CNTN2: variants seen among roughly 807,000 people sequenced by gnomAD.
CNTN2 encodes the protein contactin 2, also known as contactin-2.
A neutral mutation model predicts 117.5 loss-of-function variants in CNTN2; 53 were observed. That is an observed-to-expected ratio of 0.45 (90% CI 0.36 to 0.57). The LOEUF (loss-of-function observed/expected upper bound fraction) is 0.57. CNTN2 is among the 20% of genes least tolerant of loss of function. The pLI, the probability that CNTN2 is intolerant of heterozygous loss-of-function variation, is 0.00. For missense variants in CNTN2, 1,106 were observed against 1,404.3 expected (o/e 0.79, Z 3.39); for synonymous variants, 530 against 561.7 (o/e 0.94, Z 0.80).
Position 205,059,987 on chromosome 1 carries a change from C to A in CNTN2, c.797+305C>A. 5.4e-6 allele frequency: 2 copies of A among 370,752 alleles called. No individual in the cohort carries two copies. Among genetic ancestry groups the A allele is most frequent in the South Asian group, 7.6e-5 (2 of 26,196 alleles). 23.0% of individuals were successfully genotyped at this position (370,752 alleles called of 1,614,324 possible). On this transcript the variant is annotated intron_variant, in intron 7 of 22. Coordinates refer to ENST00000331830, the MANE Select transcript of CNTN2 (RefSeq NM_005076.5). This position sits in a 1 kb window ranked among gnomAD's most constrained non-coding sequence, Gnocchi z 5.6. ...GCAGCACAGTGTACAGACTCCAACC[C>A]TGTCTGTCTCATTCAGATCCCAGCT... is the stretch of plus-strand genomic sequence containing the variant.
At chr1:205,054,074 G>T (rs574164613) in intron 2 of CNTN2, among the ~76,000 whole-genome samples, 1 of 152,312 alleles carries the variant, frequency 6.6e-6, no homozygotes, top group East Asian at 1.9e-4. Flanking sequence ...GAGGTCCCCA[G>T]CCGCCTCCTG....
In CNTN2 at chr1:205,071,839, G is replaced by T. The variant is rs544646525; in HGVS notation, c.2545-108G>T. ...TCTCCAGGTTCTGAGGCCTAAGACT[G>T]GGTCACAGGGACCAGGATGAGCAAG... On this transcript the variant is annotated intron_variant, in intron 19 of 22. Transcript: ENST00000331830. 2.2e-4 allele frequency: 235 copies of T among 1,085,288 alleles called. 1 individual carries two copies. In the African/African-American group the frequency reaches 3.3e-3, roughly 15 times the overall value. The allele number at this position is 1,085,288 out of a possible 1,614,324, so 67.2% of individuals were successfully genotyped here. A position where few individuals can be genotyped will look rare whatever the true frequency, so the allele number is the denominator to read the frequency against.
rs968575097 is a variant in CNTN2, at chr1:205,044,460, G to T, written c.-87+1066G>T. 1.2e-4 allele frequency among the ~76,000 whole-genome samples: 15 copies of T among 130,034 alleles called. 2 individuals are homozygous for T. Among genetic ancestry groups the T allele is most frequent in the Admixed American group, 9.4e-4 (13 of 13,794 alleles). The allele number at this position is 130,034 out of a possible 152,430, so 85.3% of individuals were successfully genotyped here. A position where few individuals can be genotyped will look rare whatever the true frequency, so the allele number is the denominator to read the frequency against. On this transcript the variant is annotated intron_variant, in intron 1 of 22. Transcript: ENST00000331830. The stretch of plus-strand genomic sequence containing the variant: ...CCCTGGGGGTTGAGCCTGTGTCCTG[G>T]GGGGGGGGGTCCAGTGAGGCCAGGA...
Position 205,061,636 on chromosome 1 carries a change from G to T in CNTN2, c.973+216G>T, listed in dbSNP as rs1274346680. ...CAGGGGTGCAGAAAGCACACAGGAG[G>T]CTCCAGAATGATTTAAGTTGCAAAA... is the stretch of plus-strand genomic sequence containing the variant. On this transcript the variant is annotated intron_variant, in intron 8 of 22. Coordinates refer to ENST00000331830, the MANE Select transcript of CNTN2 (RefSeq NM_005076.5). The surrounding 1 kb of genome is among the most constrained non-coding windows in gnomAD (Gnocchi z 4.8). 13 of 754,444 alleles carry T rather than the reference G, an allele frequency of 1.7e-5. No homozygotes were observed. Among genetic ancestry groups the T allele is most frequent in the Non-Finnish European group, 2.5e-5 (12 of 489,480 alleles). The allele number at this position is 754,444 out of a possible 1,614,324, so 46.7% of individuals were successfully genotyped here. A position where few individuals can be genotyped will look rare whatever the true frequency, so the allele number is the denominator to read the frequency against.
chr1:205,044,144 C>G (rs975506926), intron 1 of CNTN2, among the ~76,000 whole-genome samples: 4 of 152,086 alleles, frequency 2.6e-5, no homozygotes, highest in Non-Finnish European at 5.9e-5. Context: ...GTTTGGCTTT[C>G]CAGTAAGGAA....
chr1:205,044,237 G>A (rs1370064105), intron 1 of CNTN2, among the ~76,000 whole-genome samples: 2 of 152,190 alleles, frequency 1.3e-5, no homozygotes, highest in African/African-American at 2.4e-5. Flanking sequence ...CTTCTGCCCA[G>A]CACCGTGGGG....
Position 205,073,368 on chromosome 1 carries a change from G to A in CNTN2, c.3013+132G>A, listed in dbSNP as rs1034254546. On this transcript the variant is annotated intron_variant, in intron 22 of 22. Transcript: ENST00000331830. The surrounding 1 kb of genome is among the most constrained non-coding windows in gnomAD (Gnocchi z 6.3). The stretch of plus-strand genomic sequence containing the variant: ...AAAGTGGAAGGCAGGCAGGAACCAA[G>A]TGCAAAGTAGTCTTAGAACTGCCTC... 53 of 1,123,258 alleles carry A rather than the reference G, an allele frequency of 4.7e-5. No individual in the cohort carries two copies. Among genetic ancestry groups the A allele is most frequent in the Non-Finnish European group, 8.8e-6 (7 of 791,696 alleles). The allele number at this position is 1,123,258 out of a possible 1,614,324, so 69.6% of individuals were successfully genotyped here. A position where few individuals can be genotyped will look rare whatever the true frequency, so the allele number is the denominator to read the frequency against.
chr1:205,054,076 C>T (rs543157070), intron 2 of CNTN2, among the ~76,000 whole-genome samples: 118 of 152,340 alleles, frequency 7.7e-4, no homozygotes, highest in Non-Finnish European at 1.3e-3. Flanking sequence ...GGTCCCCAGC[C>T]GCCTCCTGCT....
At chr1:205,044,459 G>GGGGC (rs1553341459) in intron 1 of CNTN2, among the ~76,000 whole-genome samples, 3,930 of 116,436 alleles carry the variant, frequency 0.034, 237 homozygotes, top group African/African-American at 0.17. Context: ...CCTGTGTCCT[G>GGGGC]GGGGGGGGGG....
chr1:205,053,484 A>G (rs2096456265), intron 2 of CNTN2, among the ~76,000 whole-genome samples: 1 of 152,168 alleles, frequency 6.6e-6, no homozygotes, highest in Non-Finnish European at 1.5e-5. Context: ...AGGAAGAATG[A>G]CCCAGAGAGG....
chr1:205,070,167 A>T (rs56283998), intron 18 of CNTN2, 106 bp downstream of exon 18: 1 of 1,093,204 alleles, frequency 9.1e-7, no homozygotes, highest in Non-Finnish European at 1.3e-6. Context: ...CCATAGGAGG[A>T]GGTTGAGAGG....
At chr1:205,046,999 C>A (rs545986641) in intron 1 of CNTN2, among the ~76,000 whole-genome samples, 1 of 152,276 alleles carries the variant, frequency 6.6e-6, no homozygotes, top group South Asian at 2.1e-4. Flanking sequence ...CAGACTCCCC[C>A]CTGCCCAATG....
chr1:205,065,834 C>T lies in CNTN2; in HGVS notation c.1741C>T (p.His581Tyr). The change falls in exon 14 of 23, where the codon CAT (histidine) becomes TAT (tyrosine). Residue 581 changes from histidine (H) to tyrosine (Y), a missense_variant. By Grantham distance (83) the His-to-Tyr change is moderately conservative. Coordinates refer to ENST00000331830, the MANE Select transcript of CNTN2 (RefSeq NM_005076.5). The surrounding 1 kb of genome is among the most constrained non-coding windows in gnomAD (Gnocchi z 4.1). ...DLTILNAQLR[H>Y]GGKYTCMAQT... ...GACCATCCTGAACGCCCAGCTGCGC[C>T]ATGGGGGGAAGTACACGTGCATGGC... 6.2e-7 allele frequency: 1 copy of T among 1,603,050 alleles called. No homozygotes were observed. Among genetic ancestry groups the T allele is most frequent in the Non-Finnish European group, 8.5e-7 (1 of 1,172,554 alleles).
At position 205,066,600 on chromosome 1, in the gene CNTN2, G is replaced by T; in HGVS notation, c.1975+1G>T. The T allele has an allele frequency of 6.2e-7, 1 of 1,613,786 alleles. No individual in the cohort carries two copies. The highest frequency in any genetic ancestry group is 8.5e-7 in the Non-Finnish European group (1 of 1,179,920). On this transcript the variant is annotated splice_donor_variant, in intron 15 of 22. Transcript: ENST00000331830. LOFTEE classifies it high-confidence loss of function. ...GGGAAGTGGAAGCAGGTTCGGACCA[G>T]TAAGTGTGAGCCCCACCTGGGTCAG...
At chr1:205,045,120 C>T (rs779369295) in intron 1 of CNTN2, among the ~76,000 whole-genome samples, 1 of 152,044 alleles carries the variant, frequency 6.6e-6, no homozygotes, top group Non-Finnish European at 1.5e-5. Flanking sequence ...ACACCATGAG[C>T]GGTGAGGGAA....
At position 205,058,966 on chromosome 1, in the gene CNTN2, A is replaced by C; in HGVS notation, c.488-118A>C. 2.2e-6 allele frequency: 2 copies of C among 899,344 alleles called. No individual in the cohort carries two copies. The highest frequency in any genetic ancestry group is 1.8e-6 in the Non-Finnish European group (1 of 569,040). 55.7% of individuals were successfully genotyped at this position (899,344 alleles called of 1,614,324 possible). A position where few individuals can be genotyped will look rare whatever the true frequency, so the allele number is the denominator to read the frequency against. The stretch of plus-strand genomic sequence containing the variant: ...CTAGGTCTCCCCTTAGCCCCAGTTC[A>C]GAGCATGGTGGCTGTCAGGACAGGG... On this transcript the variant is annotated intron_variant, in intron 5 of 22. Transcript: ENST00000331830. The surrounding 1 kb of genome is among the most constrained non-coding windows in gnomAD (Gnocchi z 4.3).
At position 205,050,321 on chromosome 1, in the gene CNTN2, G is replaced by C. The variant is rs546752572; in HGVS notation, c.-86-2779G>C. 1.9e-3 allele frequency among the ~76,000 whole-genome samples: 283 copies of C among 151,244 alleles called. 2 individuals carry two copies. The highest frequency in any genetic ancestry group is 6.5e-3 in the African/African-American group (270 of 41,314). ...TGTGTGTGTGTGTGTGTGTGTGACA[G>C]AGAGAGAGAGAGTTTGTCTTGGGGC... On this transcript the variant is annotated intron_variant, in intron 1 of 22. Transcript: ENST00000331830.
Position 205,074,331 on chromosome 1 carries a change from C to G in CNTN2, c.*566C>G, listed in dbSNP as rs1464727692. The G allele has an allele frequency of 2.5e-6, 1 of 400,092 alleles. No homozygotes were observed. The highest frequency in any genetic ancestry group is 4.4e-6 in the Non-Finnish European group (1 of 226,890). The allele number at this position is 400,092 out of a possible 1,614,324, so 24.8% of individuals were successfully genotyped here. ...AACTCCCTAGGGGCTCCTGCCTGCC[C>G]AAGCGGCTGAGAACCAGCGCCCCGA... On this transcript the variant is annotated 3_prime_UTR_variant, in exon 23 of 23. Coordinates refer to ENST00000331830, the MANE Select transcript of CNTN2 (RefSeq NM_005076.5).
intron 2 of CNTN2, among the ~76,000 whole-genome samples, chr1:205,054,564 T>G (rs189443054): frequency 1.1e-4 from 16 of 151,746 alleles, no homozygotes; most frequent in Non-Finnish European, 2.1e-4. Context: ...CAGGGACACC[T>G]CAGTGCTGGA....
Sources: allele counts gnomAD v4.1 joint callset (sites outside exome capture counted in the v4.1 genomes callset), GRCh38; gene constraint gnomAD v4.1.1; non-coding constraint Gnocchi (gnomAD v3.1); transcripts MANE v1.5; gene names NCBI Gene and HGNC (gene_info 2026-07-23, HGNC 2026-07-21).